ATXN7L1: variants seen among roughly 807,000 people sequenced by gnomAD.
The protein encoded by ATXN7L1 is ataxin-7-like protein 1.
In ATXN7L1, 15 loss-of-function variants were observed where a neutral mutation model predicts 70.8. The ratio of observed to expected loss-of-function variants is 0.21; its 90% CI spans 0.14 to 0.33. The LOEUF is 0.33. ATXN7L1 is among the 10% of genes least tolerant of loss of function. The pLI is 1.00. For synonymous variants in ATXN7L1, 440 were observed against 445.1 expected (o/e 0.99, Z 0.14); for missense variants, 975 against 1,097.1 (o/e 0.89, Z 1.57).
chr7:105,799,102 C>A (rs1366213828), intron 2 of ATXN7L1, among the ~76,000 whole-genome samples: 1 of 152,242 alleles, frequency 6.6e-6, no homozygotes, highest in African/African-American at 2.4e-5. Context: ...TGAGAGATTT[C>A]TTGGATAACA....
chr7:105,619,304 C>T (rs1794451940), intron 9 of ATXN7L1, among the ~76,000 whole-genome samples: 1 of 147,532 alleles, frequency 6.8e-6, no homozygotes, highest in Admixed American at 6.8e-5. Context: ...TGCGCCACCA[C>T]ACCCAGCTAA....
intron 3 of ATXN7L1, among the ~76,000 whole-genome samples, chr7:105,726,151 C>T (rs113809001): frequency 6.6e-6 from 1 of 152,196 alleles, no homozygotes; most frequent in Non-Finnish European, 1.5e-5. Flanking sequence ...ATCCGCCTGC[C>T]TTGGCCTCCC....
At chr7:105,685,049 TA>T (rs1377826058) in intron 3 of ATXN7L1, among the ~76,000 whole-genome samples, 3 of 60,912 alleles carry the variant, frequency 4.9e-5, no homozygotes, top group Non-Finnish European at 1.2e-4. Context: ...GAGATGATAA[TA>T]ATAATAATAA....
At chr7:105,832,688 T>C (rs1811790187) in intron 2 of ATXN7L1, among the ~76,000 whole-genome samples, 1 of 152,172 alleles carries the variant, frequency 6.6e-6, no homozygotes, top group Non-Finnish European at 1.5e-5. Flanking sequence ...AAAGGTGAAG[T>C]TTCCACTTTG....
intron 3 of ATXN7L1, among the ~76,000 whole-genome samples, chr7:105,703,509 G>C (rs781234621): frequency 3.3e-5 from 5 of 152,094 alleles, no homozygotes; most frequent in Admixed American, 3.3e-4. Context: ...CCAACATTCT[G>C]AACACAAAAA....
In ATXN7L1 at chr7:105,854,530, G is replaced by GA. The variant is rs57227370; in HGVS notation, c.250+21281dup. Among the ~76,000 whole-genome samples, 109 of 142,930 alleles carry GA rather than the reference G, an allele frequency of 7.6e-4. 1 individual carries two copies. Among genetic ancestry groups the GA allele is most frequent in the Non-Finnish European group, 1.3e-3 (86 of 66,450 alleles). The allele number at this position is 142,930 out of a possible 152,430, so 93.8% of individuals were successfully genotyped here. A position where few individuals can be genotyped will look rare whatever the true frequency, so the allele number is the denominator to read the frequency against. Reference sequence around the variant, plus strand: ...AAACAAACCCCAGACCCTTATAGAGGAAAAAAAAAAAAACACAAAACACAA... The same window carrying GA: ...AAACAAACCCCAGACCCTTATAGAGGAAAAAAAAAAAAAACACAAAACACAA... On this transcript the variant is annotated intron_variant, in intron 2 of 11. Coordinates refer to ENST00000419735, the MANE Select transcript of ATXN7L1 (RefSeq NM_020725.2).
In ATXN7L1 at chr7:105,740,784, T is replaced by TTTTTTTTTTTTTTTTTTTCTTG. The variant is rs556048408; in HGVS notation, c.355+47819_355+47820insCAAGAAAAAAAAAAAAAAAAAA. Among the ~76,000 whole-genome samples the TTTTTTTTTTTTTTTTTTTCTTG allele has an allele frequency of 2.6e-5, 2 of 77,926 alleles. 1 individual carries two copies. The highest frequency in any genetic ancestry group is 1.2e-4 in the African/African-American group (2 of 16,332). The allele number at this position is 77,926 out of a possible 152,430, so 51.1% of individuals were successfully genotyped here. On this transcript the variant is annotated intron_variant, in intron 3 of 11. Coordinates refer to ENST00000419735, the MANE Select transcript of ATXN7L1 (RefSeq NM_020725.2). ...GGCTCCATTCATTTTTTTTTTTTTTTAATGGAGTCTCACTCTGTCGCCCAG... is the reference window on the plus strand; with the variant it reads ...GGCTCCATTCATTTTTTTTTTTTTTTTTTTTTTTTTTTTTTTTTCTTGAATGGAGTCTCACTCTGTCGCCCAG...
intron 3 of ATXN7L1, among the ~76,000 whole-genome samples, chr7:105,724,085 C>T (rs780543037): frequency 6.6e-6 from 1 of 152,152 alleles, no homozygotes; most frequent in African/African-American, 2.4e-5. Flanking sequence ...CAAAGTACCA[C>T]AATTTGGGGG....
chr7:105,659,136 C>CAA (rs113609309), intron 4 of ATXN7L1, among the ~76,000 whole-genome samples: 1 of 149,768 alleles, frequency 6.7e-6, no homozygotes, highest in African/African-American at 2.4e-5. Context: ...GACTCCGACT[C>CAA]AAAAAAAAAA....
chr7:105,846,368 T>A (rs924115252), intron 2 of ATXN7L1, among the ~76,000 whole-genome samples: 1 of 151,980 alleles, frequency 6.6e-6, no homozygotes, highest in Non-Finnish European at 1.5e-5. Context: ...TAAAAGATGG[T>A]CAACATCATG....
At chr7:105,862,957 G>A (rs1418194660) in intron 2 of ATXN7L1, among the ~76,000 whole-genome samples, 1 of 152,138 alleles carries the variant, frequency 6.6e-6, no homozygotes, top group Admixed American at 6.5e-5. Context: ...CTCTGTGGCT[G>A]AAGAAGGTAA....
chr7:105,745,897 C>T (rs959371220), intron 3 of ATXN7L1, among the ~76,000 whole-genome samples: 12 of 152,226 alleles, frequency 7.9e-5, no homozygotes, highest in African/African-American at 2.7e-4. Flanking sequence ...GAGGTCCACA[C>T]TCCTATATCC....
intron 2 of ATXN7L1, among the ~76,000 whole-genome samples, chr7:105,808,373 C>T (rs1244639032): frequency 6.6e-6 from 1 of 152,220 alleles, no homozygotes; most frequent in Non-Finnish European, 1.5e-5. Context: ...CCTCCAGCTC[C>T]ACTCAGCAAG....
At chr7:105,760,714 A>AG (rs780499488) in intron 3 of ATXN7L1, 1 of 291,226 alleles carries the variant, frequency 3.4e-6, no homozygotes, top group Admixed American at 6.5e-5. Flanking sequence ...TGTGAAAATT[A>AG]GGGGAGTCTT....
At position 105,606,236 on chromosome 7, in the gene ATXN7L1, A is replaced by C. The variant is rs1032479232; in HGVS notation, c.*1616T>G. 2.6e-5 allele frequency: 4 copies of C among 152,206 alleles called. No homozygotes were observed. The highest frequency in any genetic ancestry group is 4.4e-5 in the Non-Finnish European group (3 of 68,034). The allele number at this position is 152,206 out of a possible 1,614,324, so 9.4% of individuals were successfully genotyped here. On this transcript the variant is annotated 3_prime_UTR_variant, in exon 12 of 12. Coordinates refer to ENST00000419735, the MANE Select transcript of ATXN7L1 (RefSeq NM_020725.2). The stretch of plus-strand genomic sequence containing the variant: ...TTTTTAAACAAATCATTTTATATTA[A>C]AAAATTTAGTAATCCTATAAGAAAC...
At chr7:105,660,855 A>G (rs993304833) in intron 4 of ATXN7L1, among the ~76,000 whole-genome samples, 17 of 152,190 alleles carry the variant, frequency 1.1e-4, no homozygotes, top group Admixed American at 1.0e-3. Context: ...TGCTGGGATT[A>G]CAGGTGTGAG....
At chr7:105,685,545 C>G (rs982528308) in intron 3 of ATXN7L1, among the ~76,000 whole-genome samples, 2 of 152,186 alleles carry the variant, frequency 1.3e-5, no homozygotes, top group African/African-American at 4.8e-5. Flanking sequence ...CAGACCAGAG[C>G]CAAAGCTGGC....
At chr7:105,711,219 C>A (rs1655921976) in intron 3 of ATXN7L1, among the ~76,000 whole-genome samples, 2 of 152,118 alleles carry the variant, frequency 1.3e-5, no homozygotes, top group South Asian at 4.1e-4. Flanking sequence ...GCCCCTCCTC[C>A]AATTCAACAT....
At chr7:105,699,623 C>T (rs1488701037) in intron 3 of ATXN7L1, among the ~76,000 whole-genome samples, 1 of 152,148 alleles carries the variant, frequency 6.6e-6, no homozygotes, top group African/African-American at 2.4e-5. Context: ...CCTAGTATTG[C>T]AGATATGTAG....
Sources: gnomAD v4.1 joint callset for allele counts (sites outside exome capture counted in the v4.1 genomes callset) on GRCh38, gnomAD v4.1.1 for gene constraint, MANE v1.5 for transcripts, NCBI Gene and HGNC (gene_info 2026-07-23, HGNC 2026-07-21) for gene names.